SLIT2: variants seen among roughly 807,000 people sequenced by gnomAD.
SLIT2 encodes the protein slit guidance ligand 2.
A neutral mutation model predicts 185.7 loss-of-function variants in SLIT2; 41 were observed. The ratio of observed to expected loss-of-function variants is 0.22; its 90% CI spans 0.17 to 0.29. SLIT2 has a LOEUF of 0.29. SLIT2 is among the 10% of genes least tolerant of loss of function. The probability of loss-of-function intolerance (pLI) is 1.00; values close to 1 mark genes in which losing one functional copy is unlikely to be tolerated. For synonymous variants in SLIT2, 693 were observed against 680.2 expected, an observed-to-expected ratio of 1.02 and a Z score of -0.29; for missense variants, 1,571 against 1,909.0, an observed-to-expected ratio of 0.82 and a Z score of 3.30.
chr4:20,354,764 C>T (rs1246539259), intron 4 of SLIT2, among the ~76,000 whole-genome samples: 1 of 151,862 alleles, frequency 6.6e-6, no homozygotes, highest in Admixed American at 6.6e-5. Flanking sequence ...GTGAGCAAAG[C>T]CTACCAAATC....
At chr4:20,590,907 T>C (rs1036900134) in intron 30 of SLIT2, among the ~76,000 whole-genome samples, 2 of 152,202 alleles carry the variant, frequency 1.3e-5, no homozygotes, top group African/African-American at 4.8e-5. Context: ...AGTTGGGTGA[T>C]TTTTCTACTA....
intron 18 of SLIT2, among the ~76,000 whole-genome samples, chr4:20,538,683 C>T (rs1475613528): frequency 6.7e-6 from 1 of 148,160 alleles, no homozygotes; most frequent in African/African-American, 2.5e-5. Context: ...GTTTTTAAGC[C>T]AGACAAATAA....
intron 5 of SLIT2, among the ~76,000 whole-genome samples, chr4:20,480,507 C>T (rs1176591545): frequency 1.3e-5 from 2 of 152,130 alleles, no homozygotes; most frequent in African/African-American, 2.4e-5. Flanking sequence ...CCAAGGGCTG[C>T]TATTTGCACA....
chr4:20,539,658 T>C (rs1722624967), intron 19 of SLIT2, 74 bp downstream of exon 19: 3 of 951,016 alleles, frequency 3.2e-6, no homozygotes, highest in Non-Finnish European at 4.4e-6. Context: ...AATATATTAT[T>C]AAGCATTTCA....
intron 4 of SLIT2, among the ~76,000 whole-genome samples, chr4:20,422,166 A>G (rs1315581437): frequency 1.3e-5 from 2 of 152,204 alleles, no homozygotes; most frequent in Non-Finnish European, 2.9e-5. Context: ...TCACAAAAAA[A>G]TTGCAAATTG....
chr4:20,472,335 G>GATATCTAT (rs1715281552), intron 5 of SLIT2, among the ~76,000 whole-genome samples: 1 of 13,780 alleles, frequency 7.3e-5, no homozygotes, highest in African/African-American at 3.6e-4. Flanking sequence ...TCTATATATA[G>GATATCTAT]ATCTATATAT....
At chr4:20,610,199 A>T (rs1196982625) in intron 34 of SLIT2, 32 bp downstream of exon 34, 17 of 1,592,712 alleles carry the variant, frequency 1.1e-5, no homozygotes, top group Non-Finnish European at 1.4e-5. Context: ...GGTGGTCCTG[A>T]AACCCTGTGA....
chr4:20,425,994 C>T (rs1265888536), intron 4 of SLIT2, among the ~76,000 whole-genome samples: 1 of 152,202 alleles, frequency 6.6e-6, no homozygotes, highest in Non-Finnish European at 1.5e-5. Context: ...ACCTTAGGAG[C>T]TTCTCTGTAA....
chr4:20,475,641 T>C (rs566628629), intron 5 of SLIT2, among the ~76,000 whole-genome samples: 1 of 151,968 alleles, frequency 6.6e-6, no homozygotes, highest in South Asian at 2.1e-4. Flanking sequence ...TCCCAAGTTA[T>C]CATGAGGAAT....
At chr4:20,311,325 A>G (rs2760134) in intron 4 of SLIT2, among the ~76,000 whole-genome samples, 136,740 of 152,312 alleles carry the variant, frequency 0.9, 61,487 homozygotes, top group East Asian at 1. Flanking sequence ...TTATCCCTCA[A>G]ATATTTGTGT....
At chr4:20,348,861 A>T (rs756623249) in intron 4 of SLIT2, among the ~76,000 whole-genome samples, 24 of 152,210 alleles carry the variant, frequency 1.6e-4, no homozygotes, top group Non-Finnish European at 3.2e-4. Flanking sequence ...TGGCACTTTC[A>T]CAGAAATCCC....
At chr4:20,358,475 G>C (rs747694628) in intron 4 of SLIT2, among the ~76,000 whole-genome samples, 1 of 152,092 alleles carries the variant, frequency 6.6e-6, no homozygotes, top group Non-Finnish European at 1.5e-5. Context: ...AATTGACGAG[G>C]TAGGTAGAGT....
At chr4:20,462,526 G>A (rs1233515036) in intron 4 of SLIT2, among the ~76,000 whole-genome samples, 1 of 152,110 alleles carries the variant, frequency 6.6e-6, no homozygotes, top group Non-Finnish European at 1.5e-5. Context: ...TTCCATTGAA[G>A]ATTTTACATT....
At chr4:20,537,857 G>A (rs1308950622) in intron 18 of SLIT2, among the ~76,000 whole-genome samples, 1 of 152,158 alleles carries the variant, frequency 6.6e-6, no homozygotes, top group Non-Finnish European at 1.5e-5. Flanking sequence ...ATTTCAGCCA[G>A]TCATTGAATT....
intron 4 of SLIT2, among the ~76,000 whole-genome samples, chr4:20,384,202 C>G (rs1724758652): frequency 6.6e-6 from 1 of 151,870 alleles, no homozygotes; most frequent in African/African-American, 2.4e-5. Flanking sequence ...GAATACTGCT[C>G]AGCAATTAAT....
At chr4:20,455,586 A>C (rs935731327) in intron 4 of SLIT2, among the ~76,000 whole-genome samples, 6 of 152,150 alleles carry the variant, frequency 3.9e-5, no homozygotes, top group South Asian at 2.1e-4. Context: ...TATTTATACA[A>C]TGGAATATTA....
intron 4 of SLIT2, among the ~76,000 whole-genome samples, chr4:20,349,601 A>G (rs1428457620): frequency 6.6e-6 from 1 of 152,242 alleles, no homozygotes; most frequent in Non-Finnish European, 1.5e-5. Context: ...ATAAATGTTC[A>G]GTATCATTGT....
rs552070298 is a variant in SLIT2, at chr4:20,305,002, G to T, written c.395+36121G>T. Among the ~76,000 whole-genome samples, 4 of 152,296 alleles carry T rather than the reference G, an allele frequency of 2.6e-5. No individual in the cohort carries two copies. The East Asian group carries it at 5.8e-4, about 22-fold the overall frequency. On this transcript the variant is annotated intron_variant, in intron 4 of 36. Transcript: ENST00000504154. ...CTCAAAGTACAAGATAAGTAGTTTT[G>T]TTGCTAGTACACTAGACTGTGAATT...
chr4:20,334,367 A>G (rs1254057782), intron 4 of SLIT2, among the ~76,000 whole-genome samples: 1 of 152,200 alleles, frequency 6.6e-6, no homozygotes, highest in Non-Finnish European at 1.5e-5. Context: ...ATTGCATCAA[A>G]CTAAGAAGAT....
Sources: allele counts gnomAD v4.1 joint callset (sites outside exome capture counted in the v4.1 genomes callset), GRCh38; gene constraint gnomAD v4.1.1; transcripts MANE v1.5; gene names NCBI Gene and HGNC (gene_info 2026-07-23, HGNC 2026-07-21).